ST18: variants seen among roughly 807,000 people sequenced by gnomAD.
ST18 encodes the protein suppression of tumorigenicity 18 protein.
A neutral mutation model predicts 110.0 loss-of-function variants in ST18; 50 were observed. The ratio of observed to expected loss-of-function variants is 0.45; its 90% CI spans 0.36 to 0.58. The LOEUF is 0.58. Among genes scored for constraint, ST18 ranks in the 20% least tolerant of loss-of-function variants. ST18 has a pLI of 0.00. For missense variants in ST18, 1,306 were observed against 1,280.1 expected, an observed-to-expected ratio of 1.02 and a Z score of -0.31; for synonymous variants, 461 against 452.4, an observed-to-expected ratio of 1.02 and a Z score of -0.24.
chr8:52,399,077 T>C (rs904882329), intron 2 of ST18, among the ~76,000 whole-genome samples: 4 of 152,072 alleles, frequency 2.6e-5, no homozygotes, highest in Non-Finnish European at 5.9e-5. Context: ...TGGGCTTTTT[T>C]GGTTGGAAGG....
intron 8 of ST18, chr8:52,210,073 GTCCCTCACC>G (rs2081615326): frequency 6.6e-6 from 3 of 455,860 alleles, no homozygotes; most frequent in South Asian, 3.1e-5. Context: ...GGACTCTGGT[GTCCCTCACC>G]AGGTAAGTGG....
At chr8:52,330,970 G>A (rs966062958) in intron 2 of ST18, among the ~76,000 whole-genome samples, 2 of 152,160 alleles carry the variant, frequency 1.3e-5, no homozygotes, top group African/African-American at 4.8e-5. Flanking sequence ...GAGAGCCAAG[G>A]CACAGGGGAA....
At chr8:52,277,625 T>A (rs1410832580) in intron 2 of ST18, among the ~76,000 whole-genome samples, 1 of 152,210 alleles carries the variant, frequency 6.6e-6, no homozygotes, top group Non-Finnish European at 1.5e-5. Context: ...ATGCTAAACA[T>A]ATAAAATACT....
chr8:52,147,499 T>A (rs893411139), intron 16 of ST18, among the ~76,000 whole-genome samples: 1 of 152,230 alleles, frequency 6.6e-6, no homozygotes, highest in East Asian at 1.9e-4. Context: ...TGAGAACCTA[T>A]TTGAAGCAAA....
chr8:52,243,419 C>T (rs749313981), intron 2 of ST18, among the ~76,000 whole-genome samples: 14 of 152,128 alleles, frequency 9.2e-5, no homozygotes, highest in Non-Finnish European at 1.9e-4. Flanking sequence ...GTACTTGGGA[C>T]TCAGTGTCAT....
At chr8:52,273,776 C>T (rs1158241399) in intron 2 of ST18, among the ~76,000 whole-genome samples, 2 of 152,158 alleles carry the variant, frequency 1.3e-5, no homozygotes, top group African/African-American at 4.8e-5. Flanking sequence ...TTTCAAGCTC[C>T]AGTGTATGGA....
chr8:52,187,333 T>C (rs902597521), intron 8 of ST18, among the ~76,000 whole-genome samples: 1 of 152,216 alleles, frequency 6.6e-6, no homozygotes, highest in Non-Finnish European at 1.5e-5. Flanking sequence ...GAGAGGTTGA[T>C]TTGTCAAATA....
intron 2 of ST18, among the ~76,000 whole-genome samples, chr8:52,253,048 A>AT (rs2094391761): frequency 6.7e-6 from 1 of 149,858 alleles, no homozygotes; most frequent in African/African-American, 2.5e-5. Context: ...TTTTCTTTTT[A>AT]GTGTATTGGA....
chr8:52,150,035 A>C (rs900735936), intron 15 of ST18, 58 bp from the exon 16 acceptor site: 2 of 1,552,654 alleles, frequency 1.3e-6, no homozygotes, highest in Middle Eastern at 1.8e-4. Flanking sequence ...CAGCCTAGCC[A>C]TGTGGGGCTT....
At chr8:52,264,259 G>C (rs1034118142) in intron 2 of ST18, among the ~76,000 whole-genome samples, 24 of 152,170 alleles carry the variant, frequency 1.6e-4, no homozygotes, top group African/African-American at 5.6e-4. Flanking sequence ...TAAGAAAATT[G>C]ATACCCATGT....
At chr8:52,138,233 T>C (rs1157720340) in intron 17 of ST18, among the ~76,000 whole-genome samples, 1 of 152,162 alleles carries the variant, frequency 6.6e-6, no homozygotes, top group African/African-American at 2.4e-5. Flanking sequence ...AAAGAAATTT[T>C]TGTGAGTTTT....
At chr8:52,256,535 CT>C (rs2094534883) in intron 2 of ST18, among the ~76,000 whole-genome samples, 2 of 152,086 alleles carry the variant, frequency 1.3e-5, no homozygotes. Flanking sequence ...GTCATCTAAT[CT>C]GAAAATTCCC....
chr8:52,161,988 T>C (rs1015172497), intron 13 of ST18, among the ~76,000 whole-genome samples: 1 of 152,154 alleles, frequency 6.6e-6, no homozygotes, highest in Non-Finnish European at 1.5e-5. Flanking sequence ...GGTGGGTGGA[T>C]CATCTGAGCT....
At chr8:52,221,588 T>G (rs1346235939) in intron 4 of ST18, 52 bp downstream of exon 4, 1 of 152,182 alleles carries the variant, frequency 6.6e-6, no homozygotes, top group Admixed American at 6.6e-5. Flanking sequence ...CCATGCACAT[T>G]TAAAATGTTT....
At chr8:52,137,334 A>G in intron 18 of ST18, 87 bp downstream of exon 18, 1 of 1,399,130 alleles carries the variant, frequency 7.1e-7, no homozygotes, top group Non-Finnish European at 9.9e-7. Flanking sequence ...CCTGCTTCAG[A>G]TAATACATGG....
At chr8:52,179,472 T>A (rs983273174) in intron 9 of ST18, among the ~76,000 whole-genome samples, 1 of 152,206 alleles carries the variant, frequency 6.6e-6, no homozygotes, top group Non-Finnish European at 1.5e-5. Context: ...CTACAATACA[T>A]CATTTTCCTT....
intron 2 of ST18, among the ~76,000 whole-genome samples, chr8:52,279,497 T>A (rs1169883474): frequency 6.6e-6 from 1 of 152,150 alleles, no homozygotes; most frequent in Non-Finnish European, 1.5e-5. Context: ...ACTGCAATAT[T>A]CAACGAGAAG....
chr8:52,124,101 C>T (rs1266023883), intron 23 of ST18, among the ~76,000 whole-genome samples: 5 of 152,074 alleles, frequency 3.3e-5, no homozygotes, highest in East Asian at 3.8e-4. Flanking sequence ...AATGACTCTT[C>T]GCACACGTCT....
At chr8:52,282,574 A>G (rs1437015049) in intron 2 of ST18, among the ~76,000 whole-genome samples, 1 of 151,716 alleles carries the variant, frequency 6.6e-6, no homozygotes. Flanking sequence ...GTATGTAGGG[A>G]CCTCCCTGGC....
Sources: gnomAD v4.1 joint callset for allele counts (sites outside exome capture counted in the v4.1 genomes callset) on GRCh38, gnomAD v4.1.1 for gene constraint, MANE v1.5 for transcripts, NCBI Gene and HGNC (gene_info 2026-07-23, HGNC 2026-07-21) for gene names.